Variants in VKORC1L1 observed in about 807,000 individuals in gnomAD.
The protein encoded by VKORC1L1 is vitamin K epoxide reductase complex subunit 1L1.
Under a neutral mutation model 18.9 loss-of-function variants are expected in VKORC1L1, and 2 were observed. The ratio of observed to expected loss-of-function variants is 0.11; its 90% confidence interval spans 0.04 to 0.33. The LOEUF is 0.33. Among genes scored for constraint, VKORC1L1 ranks in the 10% least tolerant of loss-of-function variants. VKORC1L1 has a pLI of 1.00. For synonymous variants in VKORC1L1, 96 were observed against 100.0 expected, an observed-to-expected ratio of 0.96 and a Z score of 0.24; for missense variants, 123 against 224.1, an observed-to-expected ratio of 0.55 and a Z score of 2.88.
chr7:65,928,806 T>C (rs1789808926), intron 1 of VKORC1L1, among the ~76,000 whole-genome samples: 2 of 152,210 alleles, frequency 1.3e-5, no homozygotes, highest in South Asian at 4.1e-4. Flanking sequence ...TTTAACTTCA[T>C]AGGAAACTCC....
intron 1 of VKORC1L1, among the ~76,000 whole-genome samples, chr7:65,906,386 A>AT (rs910959409): frequency 6.6e-6 from 1 of 151,998 alleles, no homozygotes; most frequent in Non-Finnish European, 1.5e-5. Flanking sequence ...GAAAAAAAAA[A>AT]GGAGTATGGT....
chr7:65,916,115 TAAA>T (rs35219358), intron 1 of VKORC1L1, among the ~76,000 whole-genome samples: 17 of 126,614 alleles, frequency 1.3e-4, no homozygotes, highest in Non-Finnish European at 1.0e-4. Context: ...TGTCTAAAAT[TAAA>T]AAAAAAAAAA....
rs191838017 is a variant in VKORC1L1, at chr7:65,877,298, G to A, written c.194+3733G>A. The stretch of plus-strand genomic sequence containing the variant: ...ACTTTATAGCATAGTATAAAGATGT[G>A]TTCATTTAAAACAATTTTGAAGTTG... On this transcript the variant is annotated intron_variant, in intron 1 of 2. Coordinates refer to ENST00000360768, the MANE Select transcript of VKORC1L1 (RefSeq NM_173517.6). 2.6e-5 allele frequency among the ~76,000 whole-genome samples: 4 copies of A among 151,564 alleles called. No homozygotes were observed. In the East Asian group the frequency reaches 7.8e-4, roughly 29 times the overall value.
At chr7:65,878,472 G>A (rs950929720) in intron 1 of VKORC1L1, among the ~76,000 whole-genome samples, 3 of 151,894 alleles carry the variant, frequency 2.0e-5, no homozygotes, top group African/African-American at 7.3e-5. Flanking sequence ...GAACCTAGAA[G>A]TATTTACTGC....
intron 1 of VKORC1L1, among the ~76,000 whole-genome samples, chr7:65,882,581 T>A (rs546074359): frequency 3.0e-4 from 45 of 152,226 alleles, no homozygotes; most frequent in African/African-American, 1.1e-3. Flanking sequence ...ATTTTTTAAT[T>A]AAAATTTTTT....
At chr7:65,866,015 G>A in the VKORC1L1 span, among the ~76,000 whole-genome samples, 3 of 151,980 alleles carry the variant, frequency 2.0e-5, no homozygotes, top group Non-Finnish European at 4.4e-5. Flanking sequence ...AGCTACTCGA[G>A]GGGCTAAGAA....
rs1451802775 is a variant in VKORC1L1, at chr7:65,873,153, C to CG, written c.-219_-218insG. On this transcript the variant is annotated 5_prime_UTR_variant, in exon 1 of 3. Coordinates refer to ENST00000360768, the MANE Select transcript of VKORC1L1 (RefSeq NM_173517.6). ...TCCGCGCCCGCGCGCGCCTTCCCCG[C>CG]CCCGTCCGCCTCACTCCTTTTGGGG... The CG allele has an allele frequency of 4.4e-6, 2 of 458,154 alleles. No homozygotes were observed. Among genetic ancestry groups the CG allele is most frequent in the Non-Finnish European group, 5.7e-6 (2 of 348,636 alleles). The allele number at this position is 458,154 out of a possible 1,614,324, so 28.4% of individuals were successfully genotyped here.
At chr7:65,867,625 A>G in the VKORC1L1 span, among the ~76,000 whole-genome samples, 1 of 152,040 alleles carries the variant, frequency 6.6e-6, no homozygotes, top group Non-Finnish European at 1.5e-5. Flanking sequence ...GGGACTGTTG[A>G]TTGGAACATC....
At chr7:65,922,188 T>TAGTC (rs35560030) in intron 1 of VKORC1L1, among the ~76,000 whole-genome samples, 78,072 of 151,616 alleles carry the variant, frequency 0.51, 21,014 homozygotes, top group East Asian at 0.8. Context: ...TTGTTTGACA[T>TAGTC]AGTATTCATT....
intron 1 of VKORC1L1, among the ~76,000 whole-genome samples, chr7:65,941,754 A>G (rs946964398): frequency 3.8e-5 from 5 of 131,754 alleles, no homozygotes; most frequent in Non-Finnish European, 6.1e-5. Context: ...TCGGCTCACT[A>G]TAACCTCTCC....
chr7:65,868,138 C>T (rs1788684954), upstream of VKORC1L1, among the ~76,000 whole-genome samples: 1 of 152,180 alleles, frequency 6.6e-6, no homozygotes, highest in Admixed American at 6.6e-5. Context: ...TCAGCCACCA[C>T]ACCTAGCACA....
At chr7:65,924,021 T>C (rs1789719911) in intron 1 of VKORC1L1, among the ~76,000 whole-genome samples, 1 of 152,178 alleles carries the variant, frequency 6.6e-6, no homozygotes, top group South Asian at 2.1e-4. Context: ...TCTACTCTGA[T>C]TACAAAGTCT....
At position 65,873,260 on chromosome 7, in the gene VKORC1L1, T is replaced by TGGCGGCGGCGGCGGAGGCGGCGGTGGC. The variant is rs1788757457; in HGVS notation, c.-106_-80dup. The stretch of plus-strand genomic sequence containing the variant: ...GGCGCGGCGGCGGCGGCGGCGGTGG[T>TGGCGGCGGCGGCGGAGGCGGCGGTGGC]GGCGGCGGCGGCGGAGGCGGCGGTG... On this transcript the variant is annotated 5_prime_UTR_variant, in exon 1 of 3. Transcript: ENST00000360768. 4 of 916,544 alleles carry TGGCGGCGGCGGCGGAGGCGGCGGTGGC rather than the reference T, an allele frequency of 4.4e-6. No homozygotes were observed. The highest frequency in any genetic ancestry group is 5.1e-6 in the Non-Finnish European group (4 of 783,462). The allele number at this position is 916,544 out of a possible 1,614,324, so 56.8% of individuals were successfully genotyped here. A position where few individuals can be genotyped will look rare whatever the true frequency, so the allele number is the denominator to read the frequency against.
intron 1 of VKORC1L1, among the ~76,000 whole-genome samples, chr7:65,912,767 A>G (rs1261087432): frequency 6.6e-6 from 1 of 152,244 alleles, no homozygotes; most frequent in Non-Finnish European, 1.5e-5. Context: ...CAATTGAAAC[A>G]AAGTACTAGA....
At chr7:65,934,292 CA>C (rs1789905669) in intron 1 of VKORC1L1, among the ~76,000 whole-genome samples, 2 of 151,980 alleles carry the variant, frequency 1.3e-5, no homozygotes, top group African/African-American at 4.8e-5. Context: ...TTATGGAGTA[CA>C]ACATGATGTT....
Position 65,955,418 on chromosome 7 carries a change from G to C in VKORC1L1, c.*1118G>C, listed in dbSNP as rs926591503. On this transcript the variant is annotated 3_prime_UTR_variant, in exon 3 of 3. Transcript: ENST00000360768. ...TCAAATACTGGATTTGTAACCTTCA[G>C]GGCTGACATGCTGCCCAGTTTGCTT... 3 of 152,176 alleles carry C rather than the reference G, an allele frequency of 2.0e-5. No individual in the cohort carries two copies. Among genetic ancestry groups the C allele is most frequent in the Non-Finnish European group, 2.9e-5 (2 of 68,038 alleles). 9.4% of individuals were successfully genotyped at this position (152,176 alleles called of 1,614,324 possible).
intron 1 of VKORC1L1, among the ~76,000 whole-genome samples, chr7:65,884,225 A>C (rs1267470074): frequency 6.6e-6 from 1 of 152,238 alleles, no homozygotes; most frequent in East Asian, 1.9e-4. Flanking sequence ...TATTGTGACT[A>C]TGAAGTGTAC....
chr7:65,954,555 T>A lies in VKORC1L1; in HGVS notation c.*255T>A, dbSNP rs1790264615. On this transcript the variant is annotated 3_prime_UTR_variant, in exon 3 of 3. Coordinates refer to ENST00000360768, the MANE Select transcript of VKORC1L1 (RefSeq NM_173517.6). ...AAGCTTTAACTTTACTTTGAAGTGT[T>A]TCTGAAATGATAAAATGTAGCCCTA... The A allele has an allele frequency of 1.6e-6, 1 of 607,234 alleles. No individual in the cohort carries two copies. Among genetic ancestry groups the A allele is most frequent in the African/African-American group, 1.9e-5 (1 of 53,356 alleles). The allele number at this position is 607,234 out of a possible 1,614,324, so 37.6% of individuals were successfully genotyped here. A position where few individuals can be genotyped will look rare whatever the true frequency, so the allele number is the denominator to read the frequency against.
At position 65,948,860 on chromosome 7, in the gene VKORC1L1, T is replaced by G. The variant is rs1790163690; in HGVS notation, c.304+80T>G. 3 of 1,498,086 alleles carry G rather than the reference T, an allele frequency of 2.0e-6. No homozygotes were observed. In the East Asian group the frequency reaches 7.0e-5, roughly 35 times the overall value. 92.8% of individuals were successfully genotyped at this position (1,498,086 alleles called of 1,614,324 possible). On this transcript the variant is annotated intron_variant, in intron 2 of 2. Coordinates refer to ENST00000360768, the MANE Select transcript of VKORC1L1 (RefSeq NM_173517.6). ...GTCTTTGCCCTGAAGTGTCTTGATGTTAAAGCATGTGTTATTTATAGAACC... is the reference window on the plus strand; with the variant it reads ...GTCTTTGCCCTGAAGTGTCTTGATGGTAAAGCATGTGTTATTTATAGAACC...
Sources: gnomAD v4.1 joint callset for allele counts (sites outside exome capture counted in the v4.1 genomes callset) on GRCh38, gnomAD v4.1.1 for gene constraint, MANE v1.5 for transcripts, NCBI Gene and HGNC (gene_info 2026-07-23, HGNC 2026-07-21) for gene names.